Variants in NCALD observed in about 807,000 individuals in gnomAD.
The protein encoded by NCALD is neurocalcin-delta.
NCALD carries 10 observed loss-of-function variants against 18.6 expected under a neutral mutation model. That is an observed-to-expected ratio of 0.54 (90% CI 0.33 to 0.91). NCALD has a LOEUF of 0.91. NCALD is among the 40% of genes least tolerant of loss of function. The pLI is 0.03. For missense variants in NCALD, 184 were observed against 247.6 expected, an observed-to-expected ratio of 0.74 and a Z score of 1.72; for synonymous variants, 88 against 87.4, an observed-to-expected ratio of 1.01 and a Z score of -0.04.
At chr8:101,692,691 G>T in intron 3 of NCALD, 100 bp downstream of exon 3, 1 of 1,410,792 alleles carries the variant, frequency 7.1e-7, no homozygotes, top group South Asian at 1.3e-5. Flanking sequence ...AGGATGAGCC[G>T]CTCACATTGA....
At chr8:101,961,740 T>C (rs1487217744) in intron 2 of NCALD, among the ~76,000 whole-genome samples, 3 of 152,182 alleles carry the variant, frequency 2.0e-5, no homozygotes, top group Admixed American at 1.3e-4. Context: ...TGCTAACTAC[T>C]ACTTTTAATT....
chr8:101,804,193 A>G (rs1051169296), intron 4 of NCALD, among the ~76,000 whole-genome samples: 2 of 151,138 alleles, frequency 1.3e-5, no homozygotes, highest in African/African-American at 2.4e-5. Flanking sequence ...GCATTTTTAG[A>G]AAAATTATTT....
At chr8:101,865,558 T>C (rs976310122) in intron 4 of NCALD, among the ~76,000 whole-genome samples, 1 of 152,204 alleles carries the variant, frequency 6.6e-6, no homozygotes, top group African/African-American at 2.4e-5. Context: ...GAGGCAGAGT[T>C]TATACTGTGT....
In NCALD at chr8:101,688,967, A is replaced by G; in HGVS notation, c.*342T>C. 2 of 661,380 alleles carry G rather than the reference A, an allele frequency of 3.0e-6. No individual in the cohort carries two copies. The highest frequency in any genetic ancestry group is 2.7e-6 in the Non-Finnish European group (1 of 369,376). The allele number at this position is 661,380 out of a possible 1,614,324, so 41.0% of individuals were successfully genotyped here. ...CCCTTGAAGCTTGCAATAGAATCAC[A>G]GGACTGGATGGGTTTCCCTTCTTTT... On this transcript the variant is annotated 3_prime_UTR_variant, in exon 4 of 4. Transcript: ENST00000220931.
At chr8:101,979,951 G>T (rs1196344715) in intron 2 of NCALD, among the ~76,000 whole-genome samples, 1 of 152,210 alleles carries the variant, frequency 6.6e-6, no homozygotes, top group Non-Finnish European at 1.5e-5. Flanking sequence ...CAGGGCCTGA[G>T]GGGCCTCATG....
intron 1 of NCALD, among the ~76,000 whole-genome samples, chr8:101,726,847 A>T (rs1164848758): frequency 6.6e-6 from 1 of 152,184 alleles, no homozygotes; most frequent in Non-Finnish European, 1.5e-5. Flanking sequence ...GTGAATGTGT[A>T]TACTGTTTCT....
At chr8:102,089,800 A>C (rs2132368312) in intron 1 of NCALD, among the ~76,000 whole-genome samples, 1 of 152,364 alleles carries the variant, frequency 6.6e-6, no homozygotes, top group East Asian at 1.9e-4. Context: ...TGAAAAATTT[A>C]TCTCATAAAG....
intron 1 of NCALD, among the ~76,000 whole-genome samples, chr8:102,094,663 G>A (rs945488638): frequency 1.3e-5 from 2 of 152,206 alleles, no homozygotes; most frequent in African/African-American, 4.8e-5. Context: ...CTAACCTCTA[G>A]TACCTGTAAA....
chr8:101,932,622 GA>G (rs962571620), intron 2 of NCALD, among the ~76,000 whole-genome samples: 1 of 151,538 alleles, frequency 6.6e-6, no homozygotes. Context: ...GTACACGAGA[GA>G]AAAAAAAGAA....
chr8:101,803,371 C>A (rs1244512884), intron 4 of NCALD, among the ~76,000 whole-genome samples: 6 of 152,168 alleles, frequency 3.9e-5, no homozygotes, highest in Non-Finnish European at 7.4e-5. Flanking sequence ...TGGTAATTGA[C>A]AATGCACCTG....
chr8:101,732,678 A>ACTG (rs1015454156), intron 1 of NCALD, among the ~76,000 whole-genome samples: 3 of 136,686 alleles, frequency 2.2e-5, no homozygotes, highest in Non-Finnish European at 4.5e-5. Flanking sequence ...ATCTCAGCTC[A>ACTG]CTGCAACCTC....
At chr8:101,709,691 T>A (rs529500102) in intron 2 of NCALD, among the ~76,000 whole-genome samples, 136 of 152,310 alleles carry the variant, frequency 8.9e-4, no homozygotes, top group African/African-American at 3.2e-3. Flanking sequence ...GCTTGGTTGA[T>A]CCCTTCCTCA....
intron 1 of NCALD, among the ~76,000 whole-genome samples, chr8:101,758,864 C>T (rs945404965): frequency 2.6e-5 from 4 of 152,094 alleles, no homozygotes; most frequent in Admixed American, 6.6e-5. Context: ...TGAATCTGTG[C>T]ATCCAATAAT....
intron 3 of NCALD, among the ~76,000 whole-genome samples, chr8:101,906,117 A>C (rs1817603221): frequency 6.6e-6 from 1 of 152,180 alleles, no homozygotes; most frequent in Non-Finnish European, 1.5e-5. Context: ...TATGATGTCA[A>C]ATCACAGCTG....
intron 1 of NCALD, among the ~76,000 whole-genome samples, chr8:101,747,367 G>A (rs190564158): frequency 9.2e-5 from 14 of 152,292 alleles, no homozygotes; most frequent in African/African-American, 3.1e-4. Context: ...ACAAGGAAGC[G>A]AAACAGCCTT....
rs560662005 is a variant in NCALD at position 102,090,608 on chromosome 8, C to T, written c.-210+33629G>A. Among the ~76,000 whole-genome samples, 16 of 152,108 alleles carry T rather than the reference C, an allele frequency of 1.1e-4. 1 individual carries two copies. In the South Asian group the frequency reaches 2.5e-3, roughly 24 times the overall value. ...CTTTTTTTTACTTTTTTGCTTAAAA[C>T]GTTGCTGAATCTTTTTGTTTTCCAG... is the stretch of plus-strand genomic sequence containing the variant. On this transcript the variant is annotated intron_variant, in intron 1 of 6. Coordinates refer to the NCALD transcript ENST00000311028.
intron 2 of NCALD, among the ~76,000 whole-genome samples, chr8:101,703,297 CT>C (rs1815358851): frequency 6.6e-6 from 1 of 152,142 alleles, no homozygotes; most frequent in African/African-American, 2.4e-5. Context: ...CTAACACTTA[CT>C]TTATTCAACA....
chr8:101,962,577 G>A (rs963339709), intron 2 of NCALD, among the ~76,000 whole-genome samples: 1 of 152,150 alleles, frequency 6.6e-6, no homozygotes, highest in African/African-American at 2.4e-5. Context: ...CCCTAGACCA[G>A]TAGCAATGGC....
intron 2 of NCALD, among the ~76,000 whole-genome samples, chr8:101,702,830 A>G (rs1402457579): frequency 6.6e-6 from 1 of 152,226 alleles, no homozygotes; most frequent in Non-Finnish European, 1.5e-5. Flanking sequence ...TGTGCTTTCC[A>G]AGAAATGTCA....
Sources: allele counts gnomAD v4.1 joint callset (sites outside exome capture counted in the v4.1 genomes callset), GRCh38; gene constraint gnomAD v4.1.1; transcripts MANE v1.5; gene names NCBI Gene and HGNC (gene_info 2026-07-23, HGNC 2026-07-21).